EMILIN2: variants seen among roughly 807,000 people sequenced by gnomAD.
EMILIN2 encodes EMILIN-2.
In EMILIN2, 71 loss-of-function variants were observed where a neutral mutation model predicts 87.1. That is an observed-to-expected ratio of 0.82 (90% confidence interval 0.67 to 0.99). The LOEUF (loss-of-function observed/expected upper bound fraction) is 0.99. Ranked by LOEUF, EMILIN2 falls within the 50% of genes least tolerant of loss-of-function variation. The pLI is 0.00. For missense variants in EMILIN2, 1,407 were observed against 1,371.8 expected, an observed-to-expected ratio of 1.03 and a Z score of -0.40; for synonymous variants, 581 against 563.4, an observed-to-expected ratio of 1.03 and a Z score of -0.44.
At position 2,893,703 on chromosome 18, in the gene EMILIN2, G is replaced by A. The variant is rs1376173658; in HGVS notation, c.2359+1217G>A. Among the ~76,000 whole-genome samples the A allele has an allele frequency of 3.9e-5, 6 of 152,264 alleles. 1 individual carries two copies. The highest frequency in any genetic ancestry group is 2.1e-4 in the South Asian group (1 of 4,820). ...TGAAAGGAAGGAAGAGGGAGCTCGC[G>A]TTTTTGAACACTTTCTATGTACAGC... On this transcript the variant is annotated intron_variant, in intron 4 of 7. Transcript: ENST00000254528.
Position 2,894,209 on chromosome 18 carries a change from G to A in EMILIN2, c.2359+1723G>A, listed in dbSNP as rs1316737817. ...AGCAGGCGAGCTCTGGCTTGGTCAG[G>A]GAGAGCCAGGGCCAGGTCCTGGCAG... On this transcript the variant is annotated intron_variant, in intron 4 of 7. Coordinates refer to ENST00000254528, the MANE Select transcript of EMILIN2 (RefSeq NM_032048.3). The surrounding 1 kb of genome is among the most constrained non-coding windows in gnomAD (Gnocchi z 5.0). 2.6e-5 allele frequency among the ~76,000 whole-genome samples: 4 copies of A among 152,140 alleles called. No individual in the cohort carries two copies. Among genetic ancestry groups the A allele is most frequent in the Non-Finnish European group, 5.9e-5 (4 of 68,006 alleles).
At chr18:2,889,133 C>CTTTTTTTTTT (rs772439545) in intron 3 of EMILIN2, among the ~76,000 whole-genome samples, 58 of 84,314 alleles carry the variant, frequency 6.9e-4, no homozygotes, top group African/African-American at 9.9e-4. Context: ...TCTTTCTTTT[C>CTTTTTTTTTT]TTTTTTTTTT....
At position 2,858,569 on chromosome 18, in the gene EMILIN2, A is replaced by ATGTG. The variant is rs1178571289; in HGVS notation, c.257+10650_257+10653dup. 7.6e-3 allele frequency among the ~76,000 whole-genome samples: 422 copies of ATGTG among 55,298 alleles called. 26 individuals carry two copies. The highest frequency in any genetic ancestry group is 0.026 in the African/African-American group (218 of 8,462). The allele number at this position is 55,298 out of a possible 152,430, so 36.3% of individuals were successfully genotyped here. On this transcript the variant is annotated intron_variant, in intron 2 of 7. Transcript: ENST00000254528. Reference sequence around the variant, plus strand: ...TATATATATATATATATATATATATATGTGTGTGTGTGTGTATATATATAT... The same window carrying ATGTG: ...TATATATATATATATATATATATATATGTGTGTGTGTGTGTGTGTATATATATAT...
chr18:2,896,322 T>G (rs680862), intron 4 of EMILIN2, among the ~76,000 whole-genome samples: 1 of 151,800 alleles, frequency 6.6e-6, no homozygotes, highest in African/African-American at 2.4e-5. Context: ...ATTACAGGTG[T>G]CTGCCACCAC....
intron 2 of EMILIN2, among the ~76,000 whole-genome samples, chr18:2,860,470 G>C (rs2076655177): frequency 6.6e-6 from 1 of 152,072 alleles, no homozygotes; most frequent in Non-Finnish European, 1.5e-5. Context: ...TCCCACCTGT[G>C]AGTGAGAACA....
chr18:2,908,915 G>A (rs2076927556), intron 5 of EMILIN2, 28 bp from the exon 6 acceptor site: 1 of 1,613,832 alleles, frequency 6.2e-7, no homozygotes, highest in Non-Finnish European at 8.5e-7. Context: ...GGTCTTGTTT[G>A]ACATGCCATT....
intron 2 of EMILIN2, among the ~76,000 whole-genome samples, chr18:2,883,905 C>T (rs752132833): frequency 9.2e-5 from 14 of 152,182 alleles, no homozygotes; most frequent in Non-Finnish European, 1.6e-4. Context: ...GGAGGTGCAG[C>T]GGTAAACACA....
chr18:2,870,660 C>T (rs9953419), intron 2 of EMILIN2, among the ~76,000 whole-genome samples: 12,461 of 152,214 alleles, frequency 0.082, 1,687 homozygotes, highest in African/African-American at 0.28. Flanking sequence ...CAAGTGGTGA[C>T]GTCTTATGGC....
chr18:2,903,119 AAG>A (rs1254778168), intron 4 of EMILIN2, among the ~76,000 whole-genome samples: 2 of 151,580 alleles, frequency 1.3e-5, no homozygotes, highest in African/African-American at 2.4e-5. Flanking sequence ...GGAGGAAGGA[AAG>A]AGAGGTTGAG....
chr18:2,868,077 T>G (rs2076697326), intron 2 of EMILIN2, among the ~76,000 whole-genome samples: 2 of 151,812 alleles, frequency 1.3e-5, no homozygotes, highest in Admixed American at 1.3e-4. Context: ...TCCTCACTTC[T>G]CAGATGGAGC....
At chr18:2,883,643 A>C (rs2076788514) in intron 2 of EMILIN2, among the ~76,000 whole-genome samples, 2 of 152,196 alleles carry the variant, frequency 1.3e-5, no homozygotes, top group African/African-American at 4.8e-5. Context: ...CAGGGCTGTC[A>C]AAGTCTGTTG....
chr18:2,892,205 A>AG lies in EMILIN2; in HGVS notation c.2083dup (p.Val695GlyfsTer81). ...CTGGATGCTTGTAAGGAATGCACGC[A>AG]GGGGGTCCAGAGGGAGGTCTCCATG... On this transcript the variant is annotated frameshift_variant, in exon 4 of 8. Transcript: ENST00000254528. LOFTEE classifies it high-confidence loss of function. The AG allele has an allele frequency of 6.2e-7, 1 of 1,608,042 alleles. No homozygotes were observed. Among genetic ancestry groups the AG allele is most frequent in the Non-Finnish European group, 8.5e-7 (1 of 1,175,876 alleles).
At chr18:2,889,686 T>A (rs1432354588) in intron 3 of EMILIN2, among the ~76,000 whole-genome samples, 1 of 138,668 alleles carries the variant, frequency 7.2e-6, no homozygotes, top group Non-Finnish European at 1.5e-5. Context: ...CTTCTTTTTT[T>A]CTTTTCTTTT....
At chr18:2,852,520 T>C (rs1197019472) in intron 2 of EMILIN2, among the ~76,000 whole-genome samples, 1 of 152,120 alleles carries the variant, frequency 6.6e-6, no homozygotes, top group Non-Finnish European at 1.5e-5. Context: ...TGTGCAAAAA[T>C]TCGTTTTTTC....
chr18:2,853,308 C>G (rs1010060717), intron 2 of EMILIN2, among the ~76,000 whole-genome samples: 1 of 152,096 alleles, frequency 6.6e-6, no homozygotes, highest in African/African-American at 2.4e-5. Flanking sequence ...ATCCTGCCAC[C>G]CCCCCAGCCC....
chr18:2,865,195 C>T (rs1395088542), intron 2 of EMILIN2, among the ~76,000 whole-genome samples: 1 of 151,738 alleles, frequency 6.6e-6, no homozygotes, highest in Non-Finnish European at 1.5e-5. Flanking sequence ...GTTTGATCTT[C>T]TGAAGCCTTC....
chr18:2,855,672 G>A (rs751843994), intron 2 of EMILIN2, among the ~76,000 whole-genome samples: 4 of 152,138 alleles, frequency 2.6e-5, no homozygotes, highest in Non-Finnish European at 4.4e-5. Context: ...GACGTGCTTC[G>A]GAAGAGGAGA....
Position 2,892,118 on chromosome 18 carries a change from C to T in EMILIN2, c.1991C>T (p.Ala664Val), listed in dbSNP as rs779638259. 5 of 1,612,046 alleles carry T rather than the reference C, an allele frequency of 3.1e-6. No homozygotes were observed. Among genetic ancestry groups the T allele is most frequent in the East Asian group, 2.2e-5 (1 of 44,852 alleles). ...DTLPSPQHPV[A>V]HCCSQLEERW... ...CTGCCGTCCCCCCAGCACCCCGTGG[C>T]TCATTGCTGCAGTCAGCTGGAGGAG... Residue 664 changes from alanine to valine, a missense_variant, in exon 4 of 8, where the codon GCT becomes GTT. Transcript: ENST00000254528.
chr18:2,909,562 T>G, intron 6 of EMILIN2, 129 bp from the exon 7 acceptor site: 1 of 1,241,694 alleles, frequency 8.1e-7, no homozygotes, highest in Non-Finnish European at 1.1e-6. Flanking sequence ...AGGAGTTTGC[T>G]TCACCACTTT....
Sources: gnomAD v4.1 joint callset for allele counts (sites outside exome capture counted in the v4.1 genomes callset) on GRCh38, gnomAD v4.1.1 for gene constraint, Gnocchi (gnomAD v3.1) non-coding constraint, MANE v1.5 for transcripts, NCBI Gene and HGNC (gene_info 2026-07-23, HGNC 2026-07-21) for gene names.